LRRC37A2: variants seen among roughly 807,000 people sequenced by gnomAD.
LRRC37A2 encodes the protein leucine-rich repeat-containing protein 37A2.
Under a neutral mutation model 68.8 loss-of-function variants are expected in LRRC37A2, and 9 were observed. The ratio of observed to expected loss-of-function variants is 0.13; its 90% CI spans 0.08 to 0.23. The LOEUF (loss-of-function observed/expected upper bound fraction) is 0.23, where lower values mean the gene tolerates loss of function less well. Among genes scored for constraint, LRRC37A2 ranks in the 10% least tolerant of loss-of-function variants. The pLI is 1.00. For missense variants in LRRC37A2, 168 were observed against 950.4 expected (o/e 0.18, Z 10.82); for synonymous variants, 63 against 367.6 (o/e 0.17, Z 9.48).
the LRRC37A2 span, among the ~76,000 whole-genome samples, chr17:46,823,415 C>T: frequency 1.3e-5 from 2 of 150,710 alleles, no homozygotes; most frequent in Non-Finnish European, 2.9e-5. Context: ...AGGGTTTCAC[C>T]GTGTTGGCCA....
the LRRC37A2 span, chr17:46,968,938 AG>A: frequency 6.6e-6 from 1 of 152,402 alleles, no homozygotes; most frequent in Non-Finnish European, 1.5e-5. Context: ...AATTCTCATG[AG>A]GTTGAAAAAT....
chr17:46,890,782 G>T, the LRRC37A2 span, among the ~76,000 whole-genome samples: 9 of 152,342 alleles, frequency 5.9e-5, no homozygotes, highest in African/African-American at 2.2e-4. Flanking sequence ...CCTGGGCAAA[G>T]CTCTCAGGAA....
At chr17:46,558,163 A>T (rs1293830285), downstream of LRRC37A2, among the ~76,000 whole-genome samples, 8 of 116,932 alleles carry the variant, frequency 6.8e-5, no homozygotes, top group African/African-American at 2.9e-4. Context: ...GGGTTCAAGC[A>T]AGTCTCCTGC....
At chr17:46,955,427 A>T in the LRRC37A2 span, 1 of 152,096 alleles carries the variant, frequency 6.6e-6, no homozygotes, top group Non-Finnish European at 1.5e-5. Flanking sequence ...CCAGTATTTT[A>T]TTGAGGATTT....
At chr17:46,954,364 C>G in the LRRC37A2 span, among the ~76,000 whole-genome samples, 4 of 152,160 alleles carry the variant, frequency 2.6e-5, no homozygotes, top group Non-Finnish European at 1.5e-5. Flanking sequence ...GGCATTATTT[C>G]TGAGGGCTCT....
At chr17:46,808,342 A>G in the LRRC37A2 span, among the ~76,000 whole-genome samples, 3 of 152,248 alleles carry the variant, frequency 2.0e-5, no homozygotes, top group African/African-American at 7.2e-5. Context: ...GACGTTCACA[A>G]ATAGTATCTA....
the LRRC37A2 span, among the ~76,000 whole-genome samples, chr17:46,438,294 C>A: frequency 1.7e-5 from 1 of 58,622 alleles, no homozygotes; most frequent in African/African-American, 5.3e-5. Context: ...TTGCCACAGT[C>A]AAAAGATCGA....
the LRRC37A2 span, among the ~76,000 whole-genome samples, chr17:46,992,510 T>C: frequency 6.6e-6 from 1 of 152,184 alleles, no homozygotes; most frequent in South Asian, 2.1e-4. Flanking sequence ...GGCATTGATA[T>C]TTTTAAAGCT....
the LRRC37A2 span, chr17:46,978,667 G>A: frequency 6.2e-7 from 1 of 1,608,552 alleles, no homozygotes; most frequent in Non-Finnish European, 8.5e-7. Flanking sequence ...CAGGATGGCT[G>A]CGCCCACGTC....
At chr17:46,699,436 CACAT>C in the LRRC37A2 span, among the ~76,000 whole-genome samples, 2 of 152,206 alleles carry the variant, frequency 1.3e-5, no homozygotes, top group Non-Finnish European at 1.5e-5. Flanking sequence ...CACTTTCTCT[CACAT>C]ACACTTTCCA....
chr17:46,539,416 ATTT>A (rs926200262), intron 6 of LRRC37A2, among the ~76,000 whole-genome samples: 1 of 143,326 alleles, frequency 7.0e-6, no homozygotes, highest in South Asian at 2.2e-4. Context: ...AATTGGTCCT[ATTT>A]TTTTTTAACT....
the LRRC37A2 span, among the ~76,000 whole-genome samples, chr17:46,692,274 A>G: frequency 8.7e-6 from 1 of 115,138 alleles, no homozygotes; most frequent in Non-Finnish European, 1.7e-5. Flanking sequence ...ATCATTATGC[A>G]GAAGAAACAG....
the LRRC37A2 span, among the ~76,000 whole-genome samples, chr17:46,926,853 A>C: frequency 1.3e-5 from 2 of 152,212 alleles, no homozygotes; most frequent in Non-Finnish European, 2.9e-5. Context: ...GCCTGTACAA[A>C]AGTGCTTTGA....
At chr17:46,755,543 T>C in the LRRC37A2 span, 1 of 703,276 alleles carries the variant, frequency 1.4e-6, no homozygotes, top group Non-Finnish European at 2.4e-6. Context: ...GTTGGTTTGC[T>C]CTCCCTGTCC....
chr17:46,823,206 A>T, the LRRC37A2 span, among the ~76,000 whole-genome samples: 22,818 of 128,190 alleles, frequency 0.18, 2,462 homozygotes, highest in Middle Eastern at 0.3. Context: ...ATTTATATAT[A>T]ATATATTATA....
the LRRC37A2 span, among the ~76,000 whole-genome samples, chr17:46,748,053 T>C: frequency 6.6e-6 from 1 of 152,246 alleles, no homozygotes; most frequent in African/African-American, 2.4e-5. Flanking sequence ...ATTTGTCTTT[T>C]AGCCTTCAGT....
chr17:46,769,701 G>T, the LRRC37A2 span: 1 of 1,567,850 alleles, frequency 6.4e-7, no homozygotes, highest in Non-Finnish European at 8.6e-7. Context: ...TGCCGGAAGG[G>T]GTGAGGTGGG....
the LRRC37A2 span, among the ~76,000 whole-genome samples, chr17:46,775,930 C>G: frequency 6.6e-6 from 1 of 152,182 alleles, no homozygotes; most frequent in Non-Finnish European, 1.5e-5. Context: ...TCTGATTTAT[C>G]GGTGGTAATG....
At chr17:46,549,115 A>G (rs1437095936) in exon 10 of LRRC37A2, 3 of 1,611,618 alleles carry the variant, frequency 1.9e-6, no homozygotes, top group Admixed American at 3.3e-5. Flanking sequence ...AAAGAGTCCA[A>G]AGGTCAGAAA....
Sources: allele counts gnomAD v4.1 joint callset (sites outside exome capture counted in the v4.1 genomes callset), GRCh38; gene constraint gnomAD v4.1.1; transcripts MANE v1.5; gene names NCBI Gene and HGNC (gene_info 2026-07-23, HGNC 2026-07-21).